The following PALMD variants were observed in gnomAD, a reference collection of about 807,000 sequenced individuals.
The protein encoded by PALMD is paralemmin-like protein.
A neutral mutation model predicts 56.2 loss-of-function variants in PALMD; 42 were observed. The ratio of observed to expected loss-of-function variants is 0.75; its 90% CI spans 0.58 to 0.97. The LOEUF (loss-of-function observed/expected upper bound fraction) is 0.97. Among genes scored for constraint, PALMD ranks in the 50% least tolerant of loss-of-function variants. The probability of loss-of-function intolerance (pLI) is 0.00; values close to 1 mark genes in which losing one functional copy is unlikely to be tolerated. For missense variants in PALMD, 660 were observed against 643.8 expected, an observed-to-expected ratio of 1.03 and a Z score of -0.27; for synonymous variants, 242 against 222.9, an observed-to-expected ratio of 1.09 and a Z score of -0.76.
intron 1 of PALMD, among the ~76,000 whole-genome samples, chr1:99,648,315 G>A (rs1652487958): frequency 6.6e-6 from 1 of 152,016 alleles, no homozygotes; most frequent in Non-Finnish European, 1.5e-5. Flanking sequence ...TGTGTCCATG[G>A]AAACAACACA....
At chr1:99,683,143 AAAGAAAGAAAGAAAGAAAG>A (rs1653408413) in intron 3 of PALMD, 1 of 125,576 alleles carries the variant, frequency 8.0e-6, no homozygotes, top group Non-Finnish European at 1.6e-5. Context: ...AGAAAGAAAG[AAAGAAAGAAAGAAAGAAAG>A]AAAGAAACGA....
intron 1 of PALMD, among the ~76,000 whole-genome samples, chr1:99,655,989 A>C (rs1358661403): frequency 6.6e-6 from 1 of 151,906 alleles, no homozygotes; most frequent in East Asian, 1.9e-4. Flanking sequence ...TTGTGCCCTC[A>C]GTGTTTTCAT....
chr1:99,692,111 C>T (rs1448060818), intron 7 of PALMD, among the ~76,000 whole-genome samples: 1 of 152,186 alleles, frequency 6.6e-6, no homozygotes, highest in Non-Finnish European at 1.5e-5. Context: ...ATGGCCCCAG[C>T]CAGCTTTGCA....
chr1:99,693,042 C>T (rs1653697087), intron 7 of PALMD, among the ~76,000 whole-genome samples: 1 of 152,120 alleles, frequency 6.6e-6, no homozygotes, highest in Non-Finnish European at 1.5e-5. Context: ...GAATTAGATC[C>T]CATCCCTTCT....
chr1:99,668,382 G>C (rs1013272729), intron 3 of PALMD: 28 of 152,208 alleles, frequency 1.8e-4, no homozygotes, highest in African/African-American at 6.8e-4. Flanking sequence ...CCTGCAGAAT[G>C]GTAGTAACAA....
chr1:99,669,762 G>T (rs1653044955), intron 3 of PALMD: 1 of 152,212 alleles, frequency 6.6e-6, no homozygotes, highest in Non-Finnish European at 1.5e-5. Flanking sequence ...CGAGCTCCCA[G>T]AAGTATTGAC....
At chr1:99,678,523 A>G (rs1239666860) in intron 3 of PALMD, among the ~76,000 whole-genome samples, 1 of 152,182 alleles carries the variant, frequency 6.6e-6, no homozygotes, top group Admixed American at 6.5e-5. Context: ...ATTATTCCCT[A>G]AATGAGAAAA....
intron 1 of PALMD, among the ~76,000 whole-genome samples, chr1:99,661,699 G>C (rs896453132): frequency 6.6e-6 from 1 of 152,160 alleles, no homozygotes; most frequent in Non-Finnish European, 1.5e-5. Flanking sequence ...TGGGTTGTCC[G>C]AGGTAATGTA....
Position 99,646,205 on chromosome 1 carries a change from G to A in PALMD, c.-113G>A. The A allele has an allele frequency of 1.2e-6, 1 of 823,074 alleles. No individual in the cohort carries two copies. The highest frequency in any genetic ancestry group is 1.4e-5 in the South Asian group (1 of 69,964). The allele number at this position is 823,074 out of a possible 1,614,324, so 51.0% of individuals were successfully genotyped here. On this transcript the variant is annotated 5_prime_UTR_variant, in exon 1 of 8. Coordinates refer to ENST00000263174, the MANE Select transcript of PALMD (RefSeq NM_017734.5). ...CTCTATTTCTCCACTGGTGCAAAGA[G>A]CGGATTTCTCCCTGCTTCTCTTCTG... is the stretch of plus-strand genomic sequence containing the variant.
intron 1 of PALMD, among the ~76,000 whole-genome samples, chr1:99,658,521 C>T (rs1652776845): frequency 6.6e-6 from 1 of 152,002 alleles, no homozygotes; most frequent in Non-Finnish European, 1.5e-5. Flanking sequence ...CCTGTAATCC[C>T]AGCACTTTGG....
chr1:99,686,796 C>G lies in PALMD; in HGVS notation c.366+6C>G, dbSNP rs1034122034. On this transcript the variant is annotated splice_donor_region_variant and intron_variant, in intron 4 of 7. Coordinates refer to ENST00000263174, the MANE Select transcript of PALMD (RefSeq NM_017734.5). The stretch of plus-strand genomic sequence containing the variant: ...CAACAGAAGACATTATAAGAGTGAG[C>G]ATTAACCAATTTTAAAACTGTAATT... The G allele has an allele frequency of 1.4e-6, 2 of 1,472,696 alleles. No homozygotes were observed. The highest frequency in any genetic ancestry group is 9.4e-7 in the Non-Finnish European group (1 of 1,060,726). 91.2% of individuals were successfully genotyped at this position (1,472,696 alleles called of 1,614,324 possible).
At position 99,688,918 on chromosome 1, in the gene PALMD, G is replaced by C; in HGVS notation, c.658G>C (p.Val220Leu). 1.2e-6 allele frequency: 2 copies of C among 1,613,756 alleles called. No homozygotes were observed. Among genetic ancestry groups the C allele is most frequent in the Non-Finnish European group, 1.7e-6 (2 of 1,179,754 alleles). ...YDDGQKSVYA[V>L]SSNHSAAYNG... is the part of the protein sequence containing the mutation. ...TGATGGGCAAAAGTCAGTGTATGCA[G>C]TAAGTTCTAATCACAGTGCAGCATA... The change falls in exon 7 of 8, where the codon GTA becomes CTA. Residue 220 changes from valine to leucine, a missense_variant. Physicochemically the swap from Val to Leu is conservative, Grantham distance 32 (BLOSUM62 1). Transcript: ENST00000263174.
In PALMD at chr1:99,662,315, T is replaced by A. The variant is rs774025649; in HGVS notation, c.46-4T>A. On this transcript the variant is annotated splice_polypyrimidine_tract_variant and splice_region_variant and intron_variant, in intron 1 of 7. Coordinates refer to ENST00000263174, the MANE Select transcript of PALMD (RefSeq NM_017734.5). ...TAAAATATACTGGAACTTTTTTATTTCAGGATAAAAGAAAAATACAGGAAG... is the reference window on the plus strand; with the variant it reads ...TAAAATATACTGGAACTTTTTTATTACAGGATAAAAGAAAAATACAGGAAG... 2.7e-6 allele frequency: 4 copies of A among 1,472,800 alleles called. No homozygotes were observed. The highest frequency in any genetic ancestry group is 3.8e-6 in the Non-Finnish European group (4 of 1,061,144). 91.2% of individuals were successfully genotyped at this position (1,472,800 alleles called of 1,614,324 possible).
At position 99,689,613 on chromosome 1, in the gene PALMD, G is replaced by C; in HGVS notation, c.1353G>C (p.Glu451Asp). The change falls in exon 7 of 8, where the codon GAG becomes GAC. Residue 451 changes from glutamate to aspartate, a missense_variant. Coordinates refer to ENST00000263174, the MANE Select transcript of PALMD (RefSeq NM_017734.5). ...AGCTGGTTGTGATTGATGATGAGGA[G>C]GAGGAGGATGAAGGAGAAGCAGAGA... ...HAELVVIDDE[E>D]EEDEGEAEKP... 1 of 1,613,814 alleles carries C rather than the reference G, an allele frequency of 6.2e-7. No individual in the cohort carries two copies. Among genetic ancestry groups the C allele is most frequent in the African/African-American group, 1.3e-5 (1 of 74,984 alleles).
At chr1:99,653,177 CA>C (rs1167515770) in intron 1 of PALMD, among the ~76,000 whole-genome samples, 1 of 152,020 alleles carries the variant, frequency 6.6e-6, no homozygotes, top group Non-Finnish European at 1.5e-5. Flanking sequence ...AACAACAAAA[CA>C]AAAAAACTGT....
At chr1:99,686,514 T>C (rs1218469622) in intron 3 of PALMD, 162 bp from the exon 4 acceptor site, 3 of 456,904 alleles carry the variant, frequency 6.6e-6, no homozygotes, top group African/African-American at 4.1e-5. Flanking sequence ...ATATATTAAG[T>C]ATCATGCTTA....
intron 1 of PALMD, among the ~76,000 whole-genome samples, chr1:99,656,490 A>C (rs551617853): frequency 6.6e-6 from 1 of 152,306 alleles, no homozygotes; most frequent in African/African-American, 2.4e-5. Flanking sequence ...AATATCAGCA[A>C]AGCTAATCAT....
chr1:99,667,346 T>A (rs1652988190), intron 2 of PALMD, among the ~76,000 whole-genome samples: 1 of 152,080 alleles, frequency 6.6e-6, no homozygotes, highest in African/African-American at 2.4e-5. Flanking sequence ...AGACAGAAAG[T>A]GAGGGTCAGG....
At chr1:99,666,713 A>C (rs1479593151) in intron 2 of PALMD, among the ~76,000 whole-genome samples, 1 of 152,188 alleles carries the variant, frequency 6.6e-6, no homozygotes, top group East Asian at 1.9e-4. Context: ...CAGGAGAAAA[A>C]GAGAAACTTG....
Sources: allele counts gnomAD v4.1 joint callset (sites outside exome capture counted in the v4.1 genomes callset), GRCh38; gene constraint gnomAD v4.1.1; transcripts MANE v1.5; gene names NCBI Gene and HGNC (gene_info 2026-07-23, HGNC 2026-07-21).